PCDH19: variants seen among roughly 807,000 people sequenced by gnomAD.
The protein encoded by PCDH19 is protocadherin-19.
A neutral mutation model predicts 46.2 loss-of-function variants in PCDH19; 6 were observed. That is an observed-to-expected ratio of 0.13 (90% confidence interval 0.07 to 0.26). PCDH19 has a LOEUF of 0.26. PCDH19 is among the 10% of genes least tolerant of loss of function. The pLI is 1.00. For synonymous variants in PCDH19, 481 were observed against 415.7 expected (o/e 1.16, Z -1.91); for missense variants, 740 against 972.3 (o/e 0.76, Z 3.18).
chrX:100,378,272 G>C (rs1325757584), intron 3 of PCDH19, among the ~76,000 whole-genome samples: 1 of 113,007 alleles, frequency 8.8e-6, no homozygotes, highest in Non-Finnish European at 1.9e-5. Flanking sequence ...ATAAGAATGT[G>C]TCTATTGGGT....
intron 3 of PCDH19, among the ~76,000 whole-genome samples, chrX:100,381,616 T>C (rs1927554257): frequency 8.9e-6 from 1 of 112,042 alleles, no homozygotes; most frequent in Non-Finnish European, 1.9e-5. Flanking sequence ...TTCTCTCTGC[T>C]ACATCAATTA....
chrX:100,380,726 G>A (rs955016503), intron 3 of PCDH19, among the ~76,000 whole-genome samples: 2 of 112,040 alleles, frequency 1.8e-5, no homozygotes, highest in African/African-American at 6.5e-5. Context: ...TGGCAGAAAT[G>A]TTATGCCACA....
chrX:100,329,085 G>C (rs1925792275), intron 5 of PCDH19, among the ~76,000 whole-genome samples: 1 of 112,266 alleles, frequency 8.9e-6, no homozygotes, highest in Non-Finnish European at 1.9e-5. Context: ...TTTAGCAGAA[G>C]GCTAGTGTGA....
At chrX:100,385,982 CA>C (rs1318352273) in intron 3 of PCDH19, among the ~76,000 whole-genome samples, 3 of 111,475 alleles carry the variant, frequency 2.7e-5, no homozygotes, top group African/African-American at 9.8e-5. Context: ...ACATTAAAAC[CA>C]TGGATGTTTT....
intron 4 of PCDH19, among the ~76,000 whole-genome samples, chrX:100,345,443 G>A (rs1277223132): frequency 9.0e-6 from 1 of 111,024 alleles, no homozygotes; most frequent in East Asian, 2.8e-4. Context: ...TATATCACTT[G>A]GTGTACTTAC....
chrX:100,371,873 CA>C (rs1927236634), intron 3 of PCDH19, among the ~76,000 whole-genome samples: 6 of 107,168 alleles, frequency 5.6e-5, no homozygotes, highest in Admixed American at 2.0e-4. Context: ...CACACACACA[CA>C]CACACACACC....
chrX:100,383,547 A>C (rs1236980298), intron 3 of PCDH19, among the ~76,000 whole-genome samples: 3 of 112,436 alleles, frequency 2.7e-5, no homozygotes, highest in Admixed American at 9.5e-5. Flanking sequence ...TTAACAAAAA[A>C]TGTAAGGAGA....
intron 3 of PCDH19, among the ~76,000 whole-genome samples, chrX:100,370,993 A>ATGTGTGTG (rs59834814): frequency 1.8e-4 from 18 of 98,407 alleles, no homozygotes; most frequent in Middle Eastern, 5.2e-3. Flanking sequence ...GTGTGTGTGC[A>ATGTGTGTG]TGTGTGTGTG....
chrX:100,342,140 C>A, intron 4 of PCDH19, 65 bp from the exon 5 acceptor site: 1 of 1,033,346 alleles, frequency 9.7e-7, no homozygotes, highest in Non-Finnish European at 1.4e-6. Flanking sequence ...TCTTTCTGAG[C>A]CAGGATGATG....
intron 3 of PCDH19, among the ~76,000 whole-genome samples, chrX:100,382,104 C>T (rs765932062): frequency 9.1e-6 from 1 of 110,147 alleles, no homozygotes; most frequent in East Asian, 2.9e-4. Context: ...GAAATAGACA[C>T]AACCACCTAC....
rs774872103 is a variant in PCDH19 at position 100,407,457 on chromosome X, T to G, written c.1141A>C (p.Asn381His). The change falls in exon 1 of 6, where the codon AAT becomes CAT. Residue 381 changes from asparagine (N) to histidine (H), a missense_variant. Coordinates refer to ENST00000373034, the MANE Select transcript of PCDH19 (RefSeq NM_001184880.2). ...VRVSDRDSGL[N>H]GRVQCRLLGN... ...AGCAAACGGCACTGCACACGTCCAT[T>G]GAGGCCTGAGTCGCGATCAGACACC... 5.0e-6 allele frequency: 6 copies of G among 1,211,757 alleles called. No homozygotes were observed. Among genetic ancestry groups the G allele is most frequent in the Non-Finnish European group, 6.7e-6 (6 of 895,566 alleles).
At position 100,409,695 on chromosome X, in the gene PCDH19, G is replaced by A. The variant is rs1313051364; in HGVS notation, c.-1098C>T. The A allele has an allele frequency of 1.6e-5, 4 of 246,511 alleles. No individual in the cohort carries two copies. The Admixed American group carries it at 2.5e-4, about 15-fold the overall frequency. 20.3% of individuals were successfully genotyped at this position (246,511 alleles called of 1,213,427 possible). A position where few individuals can be genotyped will look rare whatever the true frequency, so the allele number is the denominator to read the frequency against. Reference sequence around the variant, plus strand: ...TTCTCTTCTCTCCGTTTGGGCTGGGGTGTCGCTCCAAGGTCCGCCGCCGCC... The same window carrying A: ...TTCTCTTCTCTCCGTTTGGGCTGGGATGTCGCTCCAAGGTCCGCCGCCGCC... On this transcript the variant is annotated 5_prime_UTR_variant, in exon 1 of 6. Transcript: ENST00000373034.
chrX:100,328,797 G>T (rs1925781360), intron 5 of PCDH19, among the ~76,000 whole-genome samples: 1 of 112,502 alleles, frequency 8.9e-6, no homozygotes, highest in African/African-American at 3.2e-5. Flanking sequence ...TAAATGGCAA[G>T]TCAGTCATTT....
intron 5 of PCDH19, among the ~76,000 whole-genome samples, chrX:100,306,394 C>T (rs768094942): frequency 1.4e-4 from 15 of 111,067 alleles, no homozygotes; most frequent in Non-Finnish European, 2.8e-4. Context: ...CTATCCAAAC[C>T]TCTGGGATAC....
intron 5 of PCDH19, among the ~76,000 whole-genome samples, chrX:100,299,891 T>A (rs759171094): frequency 1.8e-5 from 2 of 112,532 alleles, no homozygotes; most frequent in South Asian, 7.3e-4. Context: ...GAGACTCTTT[T>A]ACTCACAGTG....
At chrX:100,316,350 G>C (rs1020359410) in intron 5 of PCDH19, among the ~76,000 whole-genome samples, 4 of 112,231 alleles carry the variant, frequency 3.6e-5, no homozygotes, top group Admixed American at 1.9e-4. Context: ...ACAATCCCCA[G>C]CACATTCAAA....
rs146310691 is a variant in PCDH19 at position 100,369,926 on chromosome X, G to A, written c.2617-19222C>T. Among the ~76,000 whole-genome samples the A allele has an allele frequency of 2.7e-3, 301 of 111,541 alleles. 1 individual carries two copies. Among genetic ancestry groups the A allele is most frequent in the African/African-American group, 9.4e-3 (287 of 30,667 alleles). On this transcript the variant is annotated intron_variant, in intron 3 of 5. Coordinates refer to ENST00000373034, the MANE Select transcript of PCDH19 (RefSeq NM_001184880.2). Reference sequence around the variant, plus strand: ...GGCCTAAGATTACATTTGTTTTAGCGGTTCATTTAACTTCAACGTGATTCC... The same window carrying A: ...GGCCTAAGATTACATTTGTTTTAGCAGTTCATTTAACTTCAACGTGATTCC...
intron 3 of PCDH19, among the ~76,000 whole-genome samples, chrX:100,372,722 A>G (rs1013286209): frequency 8.9e-6 from 1 of 112,402 alleles, no homozygotes; most frequent in African/African-American, 3.2e-5. Context: ...AAGTACTAAA[A>G]GCCTCTTGCT....
chrX:100,339,983 C>A (rs1320987642), intron 5 of PCDH19, among the ~76,000 whole-genome samples: 1 of 110,958 alleles, frequency 9.0e-6, no homozygotes, highest in Non-Finnish European at 1.9e-5. Flanking sequence ...TGGAGTATTG[C>A]CACACATTTC....
Sources: allele counts gnomAD v4.1 joint callset (sites outside exome capture counted in the v4.1 genomes callset), GRCh38; gene constraint gnomAD v4.1.1; transcripts MANE v1.5; gene names NCBI Gene and HGNC (gene_info 2026-07-23, HGNC 2026-07-21).